The following DOK6 variants were observed in gnomAD, a reference collection of about 807,000 sequenced individuals.
DOK6 encodes the protein docking protein 6.
In DOK6, 22 loss-of-function variants were observed where a neutral mutation model predicts 44.0. The ratio of observed to expected loss-of-function variants is 0.50; its 90% confidence interval spans 0.36 to 0.71. The LOEUF is 0.71. Ranked by LOEUF, DOK6 falls within the 30% of genes least tolerant of loss-of-function variation. DOK6 has a pLI of 0.00. For missense variants in DOK6, 340 were observed against 416.4 expected (o/e 0.82, Z 1.60); for synonymous variants, 166 against 145.5 (o/e 1.14, Z -1.01).
intron 1 of DOK6, among the ~76,000 whole-genome samples, chr18:69,538,247 G>A (rs1345960214): frequency 6.6e-6 from 1 of 152,156 alleles, no homozygotes; most frequent in Non-Finnish European, 1.5e-5. Context: ...AGCAAGCCCT[G>A]TAGTATTTTG....
At chr18:69,460,360 A>G (rs937742367) in intron 1 of DOK6, among the ~76,000 whole-genome samples, 13 of 152,194 alleles carry the variant, frequency 8.5e-5, no homozygotes, top group Admixed American at 1.3e-4. Flanking sequence ...GTACATTGAC[A>G]TGATGCAATA....
chr18:69,474,434 C>T (rs12327028), intron 1 of DOK6, among the ~76,000 whole-genome samples: 12,675 of 152,144 alleles, frequency 0.083, 1,653 homozygotes, highest in African/African-American at 0.28. Context: ...CAAACTCTTG[C>T]CTGATTTATT....
At chr18:69,515,121 G>T (rs1981485480) in intron 1 of DOK6, among the ~76,000 whole-genome samples, 1 of 152,130 alleles carries the variant, frequency 6.6e-6, no homozygotes, top group South Asian at 2.1e-4. Context: ...TAAAACACAT[G>T]AGATGAGACA....
intron 1 of DOK6, among the ~76,000 whole-genome samples, chr18:69,520,162 A>G (rs1195788445): frequency 2.4e-4 from 37 of 151,936 alleles, no homozygotes; most frequent in Non-Finnish European, 3.0e-5. Context: ...TTATGCACTT[A>G]ATAGTTACTT....
intron 3 of DOK6, among the ~76,000 whole-genome samples, chr18:69,666,365 G>A (rs1169481541): frequency 1.3e-5 from 2 of 151,974 alleles, no homozygotes; most frequent in Admixed American, 1.3e-4. Context: ...CCTTTCCCTT[G>A]CTGACTGAGC....
intron 5 of DOK6, among the ~76,000 whole-genome samples, chr18:69,703,626 C>T (rs758171212): frequency 1.3e-5 from 2 of 152,214 alleles, no homozygotes; most frequent in Non-Finnish European, 2.9e-5. Flanking sequence ...CAGGCTTGGA[C>T]AGATCACCAG....
At chr18:69,798,627 G>A (rs1278916576) in intron 7 of DOK6, among the ~76,000 whole-genome samples, 1 of 151,970 alleles carries the variant, frequency 6.6e-6, no homozygotes, top group African/African-American at 2.4e-5. Flanking sequence ...AATGCCAGAA[G>A]TTAATCTTAC....
chr18:69,464,210 A>G (rs60955938), intron 1 of DOK6, among the ~76,000 whole-genome samples: 1,675 of 152,322 alleles, frequency 0.011, 37 homozygotes, highest in African/African-American at 0.039. Context: ...AGAAGAAATC[A>G]TCTAATCAAT....
chr18:69,834,253 T>C (rs970008549), intron 7 of DOK6, among the ~76,000 whole-genome samples: 23 of 152,174 alleles, frequency 1.5e-4, no homozygotes, highest in African/African-American at 5.5e-4. Flanking sequence ...AGGGTCATTA[T>C]GTTAAGTGAA....
At chr18:69,421,387 G>T (rs1978487972) in intron 1 of DOK6, among the ~76,000 whole-genome samples, 1 of 152,096 alleles carries the variant, frequency 6.6e-6, no homozygotes, top group South Asian at 2.1e-4. Flanking sequence ...TGCAGACAAA[G>T]AACTTTGGAA....
chr18:69,691,242 T>C (rs1054292267), intron 4 of DOK6, among the ~76,000 whole-genome samples: 1 of 151,564 alleles, frequency 6.6e-6, no homozygotes, highest in Non-Finnish European at 1.5e-5. Flanking sequence ...AATATAGAAT[T>C]GGACTTTCTT....
intron 2 of DOK6, among the ~76,000 whole-genome samples, chr18:69,572,481 G>C (rs980974999): frequency 2.0e-5 from 3 of 152,090 alleles, no homozygotes; most frequent in African/African-American, 7.2e-5. Flanking sequence ...TCGATAAATA[G>C]TTATGGGCTG....
At chr18:69,635,596 A>G (rs77373829) in intron 3 of DOK6, among the ~76,000 whole-genome samples, 3 of 152,324 alleles carry the variant, frequency 2.0e-5, no homozygotes, top group Non-Finnish European at 4.4e-5. Context: ...ATGTGACAGC[A>G]ACGAGGATCT....
At chr18:69,811,692 G>T (rs1981244485) in intron 7 of DOK6, among the ~76,000 whole-genome samples, 1 of 151,360 alleles carries the variant, frequency 6.6e-6, no homozygotes, top group Admixed American at 6.6e-5. Flanking sequence ...AAATTCTATG[G>T]GTAAATCCCA....
intron 7 of DOK6, among the ~76,000 whole-genome samples, chr18:69,774,133 G>GAT (rs111360276): frequency 0.011 from 743 of 66,858 alleles, 70 homozygotes; most frequent in African/African-American, 0.013. Flanking sequence ...ATATATATGA[G>GAT]ATATATATAT....
rs549530482 is a variant in DOK6 at position 69,545,861 on chromosome 18, A to T, written c.67-18626A>T. Among the ~76,000 whole-genome samples the T allele has an allele frequency of 2.6e-5, 4 of 151,694 alleles. 1 individual carries two copies. The Middle Eastern group carries it at 0.014, about 519-fold the overall frequency. On this transcript the variant is annotated intron_variant, in intron 1 of 7. Transcript: ENST00000382713. Reference sequence around the variant, plus strand: ...ACAAAGTTGGTAAGTACATTCTCTTATAAAAATGAGCTTATGCTCTAAAAG... The same window carrying T: ...ACAAAGTTGGTAAGTACATTCTCTTTTAAAAATGAGCTTATGCTCTAAAAG...
chr18:69,749,008 A>G (rs1316680421), intron 6 of DOK6, among the ~76,000 whole-genome samples: 1 of 152,228 alleles, frequency 6.6e-6, no homozygotes, highest in African/African-American at 2.4e-5. Flanking sequence ...CTTTTCATGG[A>G]CATGGATGAG....
chr18:69,542,256 T>G (rs1473105330), intron 1 of DOK6, among the ~76,000 whole-genome samples: 1 of 150,656 alleles, frequency 6.6e-6, no homozygotes, highest in African/African-American at 2.4e-5. Context: ...TGCCAAACTT[T>G]AAGCTACTTC....
chr18:69,572,049 A>C (rs574783215), intron 2 of DOK6, among the ~76,000 whole-genome samples: 1 of 152,298 alleles, frequency 6.6e-6, no homozygotes, highest in South Asian at 2.1e-4. Context: ...TAAATGTGAA[A>C]TCAATAACAA....
Sources: allele counts gnomAD v4.1 joint callset (sites outside exome capture counted in the v4.1 genomes callset), GRCh38; gene constraint gnomAD v4.1.1; transcripts MANE v1.5; gene names NCBI Gene and HGNC (gene_info 2026-07-23, HGNC 2026-07-21).